Variants in ATXN8OS observed in about 807,000 individuals in gnomAD.
ATXN8OS encodes ATXN8 opposite strand (non-protein coding).
intron 1 of ATXN8OS, among the ~76,000 whole-genome samples, chr13:70,109,475 C>A (rs1888163308): frequency 6.6e-6 from 1 of 152,188 alleles, no homozygotes; most frequent in East Asian, 1.9e-4. Context: ...CAGTTACCCC[C>A]AAGGTTGAGC....
intron 3 of ATXN8OS, among the ~76,000 whole-genome samples, chr13:70,144,687 T>C (rs1888759509): frequency 6.6e-6 from 1 of 152,150 alleles, no homozygotes; most frequent in South Asian, 2.1e-4. Flanking sequence ...AGCAGAAATT[T>C]TTAATTATAA....
chr13:70,152,090 C>T (rs1040407106), intron 4 of ATXN8OS, among the ~76,000 whole-genome samples: 4 of 152,036 alleles, frequency 2.6e-5, no homozygotes, highest in Non-Finnish European at 4.4e-5. Flanking sequence ...TTATGCACTG[C>T]TCCATTCATA....
At chr13:70,142,793 G>A (rs983262501) in intron 3 of ATXN8OS, among the ~76,000 whole-genome samples, 1 of 152,028 alleles carries the variant, frequency 6.6e-6, no homozygotes, top group African/African-American at 2.4e-5. Flanking sequence ...TCATAAATGC[G>A]GCCGGCCGCA....
chr13:70,156,142 A>T (rs1453429940), intron 4 of ATXN8OS, among the ~76,000 whole-genome samples: 16 of 151,966 alleles, frequency 1.1e-4, no homozygotes, highest in Admixed American at 9.8e-4. Context: ...ATACAAAAAA[A>T]ATGATTTTTT....
intron 1 of ATXN8OS, among the ~76,000 whole-genome samples, chr13:70,111,344 T>C (rs565262387): frequency 5.9e-5 from 9 of 152,182 alleles, no homozygotes; most frequent in Non-Finnish European, 1.3e-4. Context: ...ATTATAGTTA[T>C]GGAGGCTGAG....
chr13:70,136,748 T>A (rs972805102), intron 3 of ATXN8OS, among the ~76,000 whole-genome samples: 1 of 152,194 alleles, frequency 6.6e-6, no homozygotes, highest in Non-Finnish European at 1.5e-5. Context: ...TTCCATTTAA[T>A]AGGTTTTAAT....
At chr13:70,115,337 G>A (rs1647655285) in intron 2 of ATXN8OS, 1 of 397,868 alleles carries the variant, frequency 2.5e-6, no homozygotes, top group South Asian at 1.3e-4. Flanking sequence ...CATTCACAGG[G>A]AGGGAGTCCT....
intron 2 of ATXN8OS, among the ~76,000 whole-genome samples, chr13:70,128,097 A>T (rs1023536794): frequency 6.6e-6 from 1 of 152,124 alleles, no homozygotes; most frequent in Non-Finnish European, 1.5e-5. Context: ...AACAGTTTAT[A>T]GAAGGTTTAC....
chr13:70,157,915 A>T (rs1434295426), intron 4 of ATXN8OS, among the ~76,000 whole-genome samples: 1 of 152,204 alleles, frequency 6.6e-6, no homozygotes, highest in African/African-American at 2.4e-5. Context: ...CCATGATTTA[A>T]AATTTCCAAT....
intron 4 of ATXN8OS, among the ~76,000 whole-genome samples, chr13:70,162,960 C>A (rs1889028420): frequency 6.6e-6 from 1 of 152,036 alleles, no homozygotes; most frequent in African/African-American, 2.4e-5. Flanking sequence ...TGAATCATAG[C>A]AAGTTGATGT....
chr13:70,157,463 T>C (rs1888951390), intron 4 of ATXN8OS, among the ~76,000 whole-genome samples: 1 of 151,676 alleles, frequency 6.6e-6, no homozygotes, highest in Non-Finnish European at 1.5e-5. Flanking sequence ...AACTAGATTA[T>C]CCTAAGGAAA....
At chr13:70,155,713 G>A (rs905343594) in intron 4 of ATXN8OS, among the ~76,000 whole-genome samples, 2 of 150,832 alleles carry the variant, frequency 1.3e-5, no homozygotes, top group African/African-American at 4.9e-5. Context: ...GTCATAATAT[G>A]CTTCTCATAG....
In ATXN8OS at chr13:70,169,045, C is replaced by A. The variant is rs567993984; in HGVS notation, n.574-708C>A. ...TGAGAACAGACCTAGTTTTGTTTTT[C>A]CATGAATAGATTGCTATTTTAAGTC... is the stretch of plus-strand genomic sequence containing the variant. On this transcript the variant is annotated intron_variant and non_coding_transcript_variant, in intron 4 of 4. Coordinates refer to ENST00000678624, the Ensembl canonical transcript of ATXN8OS. Among the ~76,000 whole-genome samples the A allele has an allele frequency of 1.5e-4, 23 of 151,946 alleles. No homozygotes were observed. The South Asian group carries it at 4.8e-3, about 32-fold the overall frequency.
At chr13:70,125,086 T>C (rs559558569) in intron 2 of ATXN8OS, among the ~76,000 whole-genome samples, 2 of 152,122 alleles carry the variant, frequency 1.3e-5, no homozygotes, top group Non-Finnish European at 2.9e-5. Flanking sequence ...TTGTAAATTA[T>C]GGAGGTTTCA....
chr13:70,151,127 T>A (rs949435345), intron 4 of ATXN8OS, among the ~76,000 whole-genome samples: 1 of 152,134 alleles, frequency 6.6e-6, no homozygotes, highest in Non-Finnish European at 1.5e-5. Context: ...GGCTTGTTTT[T>A]TGCTTTTGTT....
At chr13:70,160,558 A>G (rs1461305825) in intron 4 of ATXN8OS, among the ~76,000 whole-genome samples, 1 of 151,196 alleles carries the variant, frequency 6.6e-6, no homozygotes, top group Non-Finnish European at 1.5e-5. Flanking sequence ...ATAAATTGTC[A>G]TATTTTCAAT....
At chr13:70,136,401 C>T (rs765837652) in intron 3 of ATXN8OS, among the ~76,000 whole-genome samples, 1 of 151,792 alleles carries the variant, frequency 6.6e-6, no homozygotes, top group East Asian at 1.9e-4. Flanking sequence ...TATAACTTCA[C>T]CACATCATAT....
At chr13:70,154,617 G>A (rs1888913997) in intron 4 of ATXN8OS, among the ~76,000 whole-genome samples, 2 of 152,288 alleles carry the variant, frequency 1.3e-5, no homozygotes, top group African/African-American at 4.8e-5. Flanking sequence ...CCCAAAGTCA[G>A]CAATAGGCAC....
At chr13:70,138,105 T>C (rs557175789) in intron 3 of ATXN8OS, among the ~76,000 whole-genome samples, 1 of 152,190 alleles carries the variant, frequency 6.6e-6, no homozygotes, top group Non-Finnish European at 1.5e-5. Context: ...CCTCCAACAT[T>C]GGGGCTTACA....
Sources: allele counts gnomAD v4.1 joint callset (sites outside exome capture counted in the v4.1 genomes callset), GRCh38; gene constraint gnomAD v4.1.1; transcripts MANE v1.5; gene names NCBI Gene and HGNC (gene_info 2026-07-23, HGNC 2026-07-21).